The following STX17 variants were observed in gnomAD, a reference collection of about 807,000 sequenced individuals.
The protein encoded by STX17 is syntaxin-17.
In STX17, 29 loss-of-function variants were observed where a neutral mutation model predicts 35.9. That is an observed-to-expected ratio of 0.81 (90% CI 0.60 to 1.10). STX17 has a LOEUF of 1.10. Among genes scored for constraint, STX17 ranks in the 50% least tolerant of loss-of-function variants. STX17 has a pLI of 0.00. For missense variants in STX17, 312 were observed against 352.3 expected (o/e 0.89, Z 0.92); for synonymous variants, 92 against 118.3 (o/e 0.78, Z 1.44).
At chr9:99,923,991 C>T (rs1270723088) in intron 2 of STX17, among the ~76,000 whole-genome samples, 1 of 152,130 alleles carries the variant, frequency 6.6e-6, no homozygotes, top group Non-Finnish European at 1.5e-5. Context: ...TCCTCTTGTA[C>T]CTCTTATGGA....
chr9:99,966,965 G>A (rs549612559), intron 6 of STX17, among the ~76,000 whole-genome samples: 1 of 152,316 alleles, frequency 6.6e-6, no homozygotes, highest in African/African-American at 2.4e-5. Flanking sequence ...CACAGTTGCT[G>A]TTGTGCCAGC....
At chr9:99,908,255 G>GA (rs879920165) in intron 1 of STX17, among the ~76,000 whole-genome samples, 2 of 85,556 alleles carry the variant, frequency 2.3e-5, no homozygotes, top group Non-Finnish European at 7.0e-5. Flanking sequence ...TTGACATCTT[G>GA]GGGGGGAGCT....
At chr9:99,962,993 G>A (rs568840625) in intron 6 of STX17, among the ~76,000 whole-genome samples, 10 of 152,200 alleles carry the variant, frequency 6.6e-5, no homozygotes, top group South Asian at 4.1e-4. Flanking sequence ...TTCTATCTGC[G>A]TAGCACTGTG....
At chr9:99,960,643 C>T (rs964518574) in intron 6 of STX17, among the ~76,000 whole-genome samples, 1 of 152,108 alleles carries the variant, frequency 6.6e-6, no homozygotes, top group South Asian at 2.1e-4. Flanking sequence ...GGGGTTTCAC[C>T]ATGTTGGTCA....
At chr9:99,959,158 T>C (rs1045627873) in intron 4 of STX17, among the ~76,000 whole-genome samples, 4 of 152,222 alleles carry the variant, frequency 2.6e-5, no homozygotes, top group African/African-American at 9.6e-5. Flanking sequence ...AATAGTTTTC[T>C]TTTGGTGCTT....
chr9:99,961,919 T>G (rs1465592473), intron 6 of STX17, among the ~76,000 whole-genome samples: 1 of 152,146 alleles, frequency 6.6e-6, no homozygotes, highest in Non-Finnish European at 1.5e-5. Context: ...TTAGAAGGGT[T>G]AGAGTTAAAA....
intron 2 of STX17, among the ~76,000 whole-genome samples, chr9:99,927,841 T>C (rs1210571218): frequency 7.9e-5 from 12 of 152,176 alleles, no homozygotes; most frequent in Admixed American, 7.9e-4. Context: ...ATTTTAGGAG[T>C]ATCAAAAGAA....
At position 99,973,542 on chromosome 9, in the gene STX17, A is replaced by T. The variant is rs1830053364; in HGVS notation, c.*4869A>T. Among the ~76,000 whole-genome samples, 1 of 152,150 alleles carries T rather than the reference A, an allele frequency of 6.6e-6. No individual in the cohort carries two copies. Among genetic ancestry groups the T allele is most frequent in the Non-Finnish European group, 1.5e-5 (1 of 68,022 alleles). On this transcript the variant is annotated 3_prime_UTR_variant, in exon 8 of 8. Coordinates refer to ENST00000259400, the MANE Select transcript of STX17 (RefSeq NM_017919.3). ...TCCCATCCCAGCCATGAATCTTTCA[A>T]CCTTAGTGGTCACCAACTTGACTCC...
intron 6 of STX17, among the ~76,000 whole-genome samples, chr9:99,966,960 T>C (rs956153337): frequency 6.6e-6 from 1 of 152,228 alleles, no homozygotes; most frequent in East Asian, 1.9e-4. Flanking sequence ...TGAGTCACAG[T>C]TGCTGTTGTG....
chr9:99,946,722 C>A (rs1829490120), intron 3 of STX17, among the ~76,000 whole-genome samples: 1 of 151,834 alleles, frequency 6.6e-6, no homozygotes, highest in Non-Finnish European at 1.5e-5. Context: ...TTTATTTTAC[C>A]TGTGGTCTTG....
At chr9:99,921,999 T>C (rs1482407057) in intron 2 of STX17, among the ~76,000 whole-genome samples, 1 of 152,158 alleles carries the variant, frequency 6.6e-6, no homozygotes, top group Non-Finnish European at 1.5e-5. Flanking sequence ...CTCTTTTACA[T>C]CCATTGACAA....
intron 2 of STX17, among the ~76,000 whole-genome samples, chr9:99,916,786 A>G (rs1828784868): frequency 6.6e-6 from 1 of 152,152 alleles, no homozygotes; most frequent in African/African-American, 2.4e-5. Flanking sequence ...TGTTTAGTAA[A>G]TGGGTTCTTT....
At chr9:99,943,689 T>C (rs1458139813) in intron 3 of STX17, among the ~76,000 whole-genome samples, 1 of 152,234 alleles carries the variant, frequency 6.6e-6, no homozygotes, top group Non-Finnish European at 1.5e-5. Context: ...TGTTTTATCT[T>C]TTATATGAAG....
rs1829588277 is a variant in STX17, at chr9:99,951,283, G to C, written c.413G>C (p.Gly138Ala). The change falls in exon 4 of 8, where the codon GGT becomes GCT. Residue 138 changes from glycine to alanine, a missense_variant and splice_region_variant. Transcript: ENST00000259400. Reference sequence around the variant, plus strand: ...CCTTTGACCAGATCCATGACTGTTGGTGGTAATGTATTGTGCTAAGTCTTA... The same window carrying C: ...CCTTTGACCAGATCCATGACTGTTGCTGGTAATGTATTGTGCTAAGTCTTA... ...QPPLTRSMTVGGAFHTTEAEA... is the reference protein window; with the variant it reads ...QPPLTRSMTVAGAFHTTEAEA... 1.2e-6 allele frequency: 2 copies of C among 1,612,328 alleles called. No homozygotes were observed. Among genetic ancestry groups the C allele is most frequent in the Non-Finnish European group, 1.7e-6 (2 of 1,178,702 alleles).
chr9:99,973,639 A>T lies in STX17; in HGVS notation c.*4966A>T, dbSNP rs1476025712. Among the ~76,000 whole-genome samples the T allele has an allele frequency of 2.0e-5, 3 of 152,116 alleles. No homozygotes were observed. The highest frequency in any genetic ancestry group is 7.2e-5 in the African/African-American group (3 of 41,424). On this transcript the variant is annotated 3_prime_UTR_variant, in exon 8 of 8. Coordinates refer to ENST00000259400, the MANE Select transcript of STX17 (RefSeq NM_017919.3). The stretch of plus-strand genomic sequence containing the variant: ...GTTGCATCCATTTCTAAATATATCC[A>T]TGGCCATCACCCTAGTAAAAAGACT...
At chr9:99,919,996 T>C (rs1828857885) in intron 2 of STX17, among the ~76,000 whole-genome samples, 1 of 152,258 alleles carries the variant, frequency 6.6e-6, no homozygotes, top group Admixed American at 6.5e-5. Context: ...TTTTCATTTC[T>C]CTTTTTAGTG....
At chr9:99,960,373 C>A (rs1829805159) in intron 6 of STX17, among the ~76,000 whole-genome samples, 2 of 152,042 alleles carry the variant, frequency 1.3e-5, no homozygotes. Context: ...AGATGCTTAA[C>A]ATTGAGAGTG....
At position 99,972,760 on chromosome 9, in the gene STX17, A is replaced by G. The variant is rs930710099; in HGVS notation, c.*4087A>G. Reference sequence around the variant, plus strand: ...AAACCATGCTTTGTGTTAACCTTAAATATGAAAGGTGTTTCTCAGGGTCCC... The same window carrying G: ...AAACCATGCTTTGTGTTAACCTTAAGTATGAAAGGTGTTTCTCAGGGTCCC... On this transcript the variant is annotated 3_prime_UTR_variant, in exon 8 of 8. Coordinates refer to ENST00000259400, the MANE Select transcript of STX17 (RefSeq NM_017919.3). Among the ~76,000 whole-genome samples the G allele has an allele frequency of 1.3e-5, 2 of 152,166 alleles. No homozygotes were observed. The highest frequency in any genetic ancestry group is 4.8e-5 in the African/African-American group (2 of 41,442).
intron 3 of STX17, among the ~76,000 whole-genome samples, chr9:99,948,954 A>C (rs968980793): frequency 7.6e-4 from 116 of 152,122 alleles, no homozygotes; most frequent in African/African-American, 2.7e-3. Context: ...ATATTTCTGT[A>C]GACTGGTAAC....
Sources: allele counts gnomAD v4.1 joint callset (sites outside exome capture counted in the v4.1 genomes callset), GRCh38; gene constraint gnomAD v4.1.1; transcripts MANE v1.5; gene names NCBI Gene and HGNC (gene_info 2026-07-23, HGNC 2026-07-21).